RAD9B: variants seen among roughly 807,000 people sequenced by gnomAD.
RAD9B encodes the protein cell cycle checkpoint control protein RAD9B.
Under a neutral mutation model 48.3 loss-of-function variants are expected in RAD9B, and 41 were observed. The observed-to-expected ratio is 0.85, with a 90% CI of 0.66 to 1.10. The LOEUF is 1.10. Ranked by LOEUF, RAD9B falls within the 50% of genes least tolerant of loss-of-function variation. RAD9B has a pLI of 0.00. For missense variants in RAD9B, 444 were observed against 485.1 expected (o/e 0.92, Z 0.80); for synonymous variants, 160 against 157.9 (o/e 1.01, Z -0.10).
At position 110,505,621 on chromosome 12, in the gene RAD9B, C is replaced by G. The variant is rs775505304; in HGVS notation, c.122C>G (p.Ala41Gly). ...FWLDPSKKGL[A>G]LRCVNSSRSA... ...GTTTTTATCTTATTTTTCTAGCTTG[C>G]TCTAAGATGTGTGAATTCTTCTCGG... Residue 41 changes from alanine (A) to glycine (G), a missense_variant, in exon 3 of 11, where the codon GCT (alanine) becomes GGT (glycine). Ala to Gly is a moderately conservative substitution (Grantham distance 60). Transcript: ENST00000409300. 2 of 1,552,154 alleles carry G rather than the reference C, an allele frequency of 1.3e-6. No homozygotes were observed. Among genetic ancestry groups the G allele is most frequent in the African/African-American group, 2.7e-5 (2 of 73,056 alleles).
chr12:110,523,359 C>G (rs1029549344), intron 10 of RAD9B, among the ~76,000 whole-genome samples: 1 of 152,076 alleles, frequency 6.6e-6, no homozygotes, highest in African/African-American at 2.4e-5. Context: ...CCCAGTAGTT[C>G]AAGGCTTCAG....
At chr12:110,515,190 G>C in intron 6 of RAD9B, 34 bp downstream of exon 6, 1 of 1,084,808 alleles carries the variant, frequency 9.2e-7, no homozygotes. Flanking sequence ...GTTTTGATGG[G>C]TTATTACTTC....
At position 110,518,872 on chromosome 12, in the gene RAD9B, A is replaced by G. The variant is rs1384197415; in HGVS notation, c.703-2A>G. 2 of 1,576,400 alleles carry G rather than the reference A, an allele frequency of 1.3e-6. No individual in the cohort carries two copies. Among genetic ancestry groups the G allele is most frequent in the Non-Finnish European group, 1.7e-6 (2 of 1,160,948 alleles). On this transcript the variant is annotated splice_acceptor_variant, in intron 7 of 10. Transcript: ENST00000409300. LOFTEE classifies it high-confidence loss of function. ...AGTTTTTTTCTTCTTTTCTTTTTTCAGGGAATACTGACATTTTCAGAAGCT... is the reference window on the plus strand; with the variant it reads ...AGTTTTTTTCTTCTTTTCTTTTTTCGGGGAATACTGACATTTTCAGAAGCT...
intron 10 of RAD9B, among the ~76,000 whole-genome samples, chr12:110,523,631 C>T (rs2063850148): frequency 6.6e-6 from 1 of 152,122 alleles, no homozygotes; most frequent in Non-Finnish European, 1.5e-5. Flanking sequence ...TGTACAAAAG[C>T]ATTGTCCCCT....
chr12:110,502,492 G>C, intron 1 of RAD9B, 109 bp downstream of exon 1: 1 of 1,271,372 alleles, frequency 7.9e-7, no homozygotes, highest in Non-Finnish European at 1.1e-6. Context: ...CGCAATGACT[G>C]AGGACGCACG....
intron 6 of RAD9B, among the ~76,000 whole-genome samples, chr12:110,515,398 C>T (rs1029351834): frequency 8.5e-5 from 13 of 152,288 alleles, no homozygotes; most frequent in African/African-American, 2.6e-4. Context: ...CTGTGGCTCA[C>T]GCCTGTAATC....
At chr12:110,507,486 AATACATAATAT>A in intron 4 of RAD9B, among the ~76,000 whole-genome samples, 1 of 12,200 alleles carries the variant, frequency 8.2e-5, no homozygotes, top group Non-Finnish European at 1.7e-4. Context: ...TATTAAATAT[AATACATAATAT>A]ATGTATTAAA....
At chr12:110,517,989 C>T (rs2063660652) in intron 6 of RAD9B, among the ~76,000 whole-genome samples, 1 of 151,914 alleles carries the variant, frequency 6.6e-6, no homozygotes, top group African/African-American at 2.4e-5. Context: ...GAGATCGAGA[C>T]CATCCTGGCT....
chr12:110,504,789 G>A (rs1308414236), intron 2 of RAD9B, among the ~76,000 whole-genome samples: 2 of 152,090 alleles, frequency 1.3e-5, no homozygotes, highest in Non-Finnish European at 2.9e-5. Context: ...TTGAGCCCAG[G>A]AGTTCGAGAC....
At chr12:110,503,906 C>G in intron 2 of RAD9B, 30 bp downstream of exon 2, 1 of 1,387,176 alleles carries the variant, frequency 7.2e-7, no homozygotes, top group Non-Finnish European at 9.8e-7. Context: ...GATCACGTAT[C>G]AAGGCAAGAG....
intron 6 of RAD9B, among the ~76,000 whole-genome samples, chr12:110,515,399 G>T (rs2063576374): frequency 6.7e-6 from 1 of 148,500 alleles, no homozygotes; most frequent in East Asian, 1.9e-4. Flanking sequence ...TGTGGCTCAC[G>T]CCTGTAATCC....
At chr12:110,509,984 T>A (rs751470490) in intron 4 of RAD9B, among the ~76,000 whole-genome samples, 15 of 152,194 alleles carry the variant, frequency 9.9e-5, no homozygotes, top group Non-Finnish European at 1.5e-4. Flanking sequence ...ATACGTAAAA[T>A]ATGTCATCTT....
rs774716908 is a variant in RAD9B, at chr12:110,506,628, A to G, written c.323A>G (p.Glu108Gly). Residue 108 changes from glutamate (E) to glycine (G), a missense_variant, in exon 4 of 11, where the codon GAG (glutamate) becomes GGG (glycine). By Grantham distance (98) the Glu-to-Gly change is moderately conservative (BLOSUM62 -2). Coordinates refer to ENST00000409300, the MANE Select transcript of RAD9B (RefSeq NM_001286535.2). Reference protein sequence around the residue: ...RCLNSLERNIEKCRIFTRSDK... With the variant: ...RCLNSLERNIGKCRIFTRSDK... ...CTGAATTCCCTTGAAAGAAATATAG[A>G]GAAGTGCAGAATATTCACCAGATCT... is the stretch of plus-strand genomic sequence containing the variant. 2 of 1,605,762 alleles carry G rather than the reference A, an allele frequency of 1.2e-6. No homozygotes were observed. The highest frequency in any genetic ancestry group is 3.3e-5 in the Admixed American group (2 of 59,942).
In RAD9B at chr12:110,522,225, C is replaced by T; in HGVS notation, c.939C>T (p.Ala313=). Residue 313 remains alanine, a synonymous_variant, in exon 10 of 11, where the codon GCC becomes GCT. Coordinates refer to ENST00000409300, the MANE Select transcript of RAD9B (RefSeq NM_001286535.2). ...KKAGKNVTGQ[A]LECISKKAAP... ...CTGGCAAAAATGTAACTGGCCAGGC[C>T]CTGGAATGTATTTCAAAAAAAGCAG... The T allele has an allele frequency of 6.2e-7, 1 of 1,605,784 alleles. No individual in the cohort carries two copies. The highest frequency in any genetic ancestry group is 1.1e-5 in the South Asian group (1 of 89,328).
Position 110,515,151 on chromosome 12 carries a change from C to T in RAD9B, c.590C>T (p.Ser197Leu), listed in dbSNP as rs1305240842. Reference sequence around the variant, plus strand: ...TGCCTCAAGAGTTCTAATGAGGAATCAATGGGTAAAGATTGTATCTGAAAT... The same window carrying T: ...TGCCTCAAGAGTTCTAATGAGGAATTAATGGGTAAAGATTGTATCTGAAAT... ...NFCLKSSNEE[S>L]MDLSNAVHSE... Residue 197 changes from serine to leucine, a missense_variant, in exon 6 of 11, where the codon TCA becomes TTA. Ser to Leu is a moderately radical substitution (Grantham distance 145, BLOSUM62 -2). Coordinates refer to ENST00000409300, the MANE Select transcript of RAD9B (RefSeq NM_001286535.2). The T allele has an allele frequency of 1.3e-6, 2 of 1,497,802 alleles. No individual in the cohort carries two copies. Among genetic ancestry groups the T allele is most frequent in the Admixed American group, 3.9e-5 (2 of 50,934 alleles). The allele number at this position is 1,497,802 out of a possible 1,614,324, so 92.8% of individuals were successfully genotyped here.
Position 110,512,859 on chromosome 12 carries a change from ACGC to A in RAD9B, c.470_472del (p.Thr157_Leu158delinsIle), listed in dbSNP as rs1167300463. ...TTTTGACAAGAATGTTTGTACTAAT[ACGC>A]TAATGATTCAACCAAGGTAATGAGT... On this transcript the variant is annotated inframe_deletion, in exon 5 of 11. Transcript: ENST00000409300. The A allele has an allele frequency of 1.5e-5, 23 of 1,542,846 alleles. No individual in the cohort carries two copies. The highest frequency in any genetic ancestry group is 2.0e-5 in the Non-Finnish European group (22 of 1,123,642).
At chr12:110,505,271 A>G (rs998894853) in intron 2 of RAD9B, among the ~76,000 whole-genome samples, 1 of 152,042 alleles carries the variant, frequency 6.6e-6, no homozygotes, top group African/African-American at 2.4e-5. Flanking sequence ...TATGTCCTGT[A>G]TATATTATAG....
At chr12:110,524,781 C>G (rs1283801917) in intron 10 of RAD9B, among the ~76,000 whole-genome samples, 1 of 151,692 alleles carries the variant, frequency 6.6e-6, no homozygotes, top group Non-Finnish European at 1.5e-5. Flanking sequence ...AGGCTGGTCT[C>G]AAACTTCTGG....
intron 4 of RAD9B, among the ~76,000 whole-genome samples, chr12:110,510,503 C>T (rs1161599504): frequency 6.6e-6 from 1 of 152,126 alleles, no homozygotes; most frequent in African/African-American, 2.4e-5. Flanking sequence ...CACTGTTGCC[C>T]TAAGAACCTT....
Sources: gnomAD v4.1 joint callset for allele counts (sites outside exome capture counted in the v4.1 genomes callset) on GRCh38, gnomAD v4.1.1 for gene constraint, MANE v1.5 for transcripts, NCBI Gene and HGNC (gene_info 2026-07-23, HGNC 2026-07-21) for gene names.